The following CTNNA3 variants were observed in gnomAD, a reference collection of about 807,000 sequenced individuals.
The protein encoded by CTNNA3 is catenin alpha-3.
A neutral mutation model predicts 95.7 loss-of-function variants in CTNNA3; 76 were observed. That is an observed-to-expected ratio of 0.79 (90% CI 0.66 to 0.96). The LOEUF is 0.96. Among genes scored for constraint, CTNNA3 ranks in the 40% least tolerant of loss-of-function variants. CTNNA3 has a pLI of 0.00. For synonymous variants in CTNNA3, 431 were observed against 374.4 expected, an observed-to-expected ratio of 1.15 and a Z score of -1.74; for missense variants, 1,191 against 1,089.8, an observed-to-expected ratio of 1.09 and a Z score of -1.31.
At chr10:67,456,800 G>T (rs1429181105) in intron 5 of CTNNA3, among the ~76,000 whole-genome samples, 1 of 152,044 alleles carries the variant, frequency 6.6e-6, no homozygotes, top group African/African-American at 2.4e-5. Flanking sequence ...ATGGCTAAAT[G>T]CAGTCTAGTT....
At chr10:66,125,229 T>C (rs541307174) in intron 13 of CTNNA3, among the ~76,000 whole-genome samples, 2 of 152,296 alleles carry the variant, frequency 1.3e-5, no homozygotes, top group South Asian at 2.1e-4. Context: ...TTTTAATTGA[T>C]CTAATATGTA....
intron 13 of CTNNA3, among the ~76,000 whole-genome samples, chr10:66,107,944 T>C (rs1284990266): frequency 2.0e-5 from 3 of 152,088 alleles, no homozygotes; most frequent in African/African-American, 7.2e-5. Flanking sequence ...ATTAAAAATA[T>C]AATTCACTGG....
chr10:67,644,976 A>G (rs1839659846), intron 2 of CTNNA3, among the ~76,000 whole-genome samples: 1 of 152,132 alleles, frequency 6.6e-6, no homozygotes, highest in African/African-American at 2.4e-5. Context: ...CATTTCTGTG[A>G]CTCATCTACT....
At chr10:66,953,682 T>C (rs542811824) in intron 7 of CTNNA3, among the ~76,000 whole-genome samples, 1 of 152,298 alleles carries the variant, frequency 6.6e-6, no homozygotes, top group South Asian at 2.1e-4. Flanking sequence ...AATAATTTTA[T>C]CTTTGAAACT....
intron 2 of CTNNA3, among the ~76,000 whole-genome samples, chr10:67,644,278 T>C (rs544109522): frequency 1.3e-4 from 20 of 152,354 alleles, no homozygotes; most frequent in African/African-American, 4.8e-4. Flanking sequence ...ATTTCTCTAA[T>C]GACCAGTGAT....
At chr10:66,276,658 G>T (rs1248161566) in intron 13 of CTNNA3, among the ~76,000 whole-genome samples, 1 of 152,050 alleles carries the variant, frequency 6.6e-6, no homozygotes, top group South Asian at 2.1e-4. Flanking sequence ...TAAAAGAAGA[G>T]ATTTCTTGAT....
chr10:67,177,114 T>C (rs1166746438), intron 7 of CTNNA3: 4 of 374,584 alleles, frequency 1.1e-5, no homozygotes, highest in African/African-American at 2.1e-5. Context: ...CAGTATATAT[T>C]AGGGCAAACA....
chr10:67,030,730 A>G (rs1853665534), intron 7 of CTNNA3, among the ~76,000 whole-genome samples: 1 of 152,022 alleles, frequency 6.6e-6, no homozygotes, highest in African/African-American at 2.4e-5. Flanking sequence ...TACCGGTCAG[A>G]TGCGGTGGCT....
intron 7 of CTNNA3, among the ~76,000 whole-genome samples, chr10:66,849,271 A>G (rs1481009993): frequency 6.6e-6 from 1 of 152,204 alleles, no homozygotes; most frequent in Non-Finnish European, 1.5e-5. Context: ...AATCAGGCTG[A>G]CAAGCCATCA....
At chr10:66,309,909 A>AT (rs1315842432) in intron 12 of CTNNA3, among the ~76,000 whole-genome samples, 1 of 23,520 alleles carries the variant, frequency 4.3e-5, no homozygotes, top group Non-Finnish European at 1.0e-4. Flanking sequence ...GATACAAAAA[A>AT]TAAATAAATA....
At chr10:66,370,971 C>T (rs993429947) in intron 12 of CTNNA3, among the ~76,000 whole-genome samples, 1 of 152,132 alleles carries the variant, frequency 6.6e-6, no homozygotes, top group African/African-American at 2.4e-5. Flanking sequence ...AGTCCTCTCA[C>T]CTCAGCCTTC....
intron 7 of CTNNA3, among the ~76,000 whole-genome samples, chr10:67,089,867 A>G (rs2131905074): frequency 6.6e-6 from 1 of 152,056 alleles, no homozygotes; most frequent in South Asian, 2.1e-4. Context: ...GCCAGAGAGC[A>G]GAAATTGTGT....
intron 1 of CTNNA3, among the ~76,000 whole-genome samples, chr10:67,748,506 G>A (rs1023633109): frequency 6.6e-6 from 1 of 152,082 alleles, no homozygotes; most frequent in African/African-American, 2.4e-5. Context: ...GCCAAGCTAA[G>A]TTTCTAAGCA....
At chr10:66,530,584 T>A in intron 10 of CTNNA3, among the ~76,000 whole-genome samples, 1 of 152,184 alleles carries the variant, frequency 6.6e-6, no homozygotes, top group Non-Finnish European at 1.5e-5. Context: ...ACCATGAATC[T>A]CCATGTCAGA....
chr10:66,648,354 T>TG (rs1845779591), intron 9 of CTNNA3, among the ~76,000 whole-genome samples: 1 of 152,116 alleles, frequency 6.6e-6, no homozygotes, highest in African/African-American at 2.4e-5. Context: ...GAATGAGTGT[T>TG]TTTAAGAGGA....
At chr10:66,708,843 T>G (rs1013904567) in intron 9 of CTNNA3, among the ~76,000 whole-genome samples, 2 of 152,132 alleles carry the variant, frequency 1.3e-5, no homozygotes, top group African/African-American at 2.4e-5. Context: ...ACCACTACCA[T>G]GGAAATAGAT....
At chr10:66,934,843 C>T (rs1036075692) in intron 7 of CTNNA3, among the ~76,000 whole-genome samples, 3 of 152,090 alleles carry the variant, frequency 2.0e-5, no homozygotes, top group African/African-American at 7.2e-5. Flanking sequence ...ACATCAATTA[C>T]ATCTATGCAG....
At position 66,317,937 on chromosome 10, in the gene CTNNA3, C is replaced by G. The variant is rs75559440; in HGVS notation, c.1733-37316G>C. On this transcript the variant is annotated intron_variant, in intron 12 of 17. Transcript: ENST00000433211. ...GGATTCTCCTTTTATTTTATAGAGTCGGATATTTATTAAATAAGTGCATGC... is the reference window on the plus strand; with the variant it reads ...GGATTCTCCTTTTATTTTATAGAGTGGGATATTTATTAAATAAGTGCATGC... Among the ~76,000 whole-genome samples, 89 of 151,808 alleles carry G rather than the reference C, an allele frequency of 5.9e-4. 3 individuals are homozygous for G. The highest frequency in any genetic ancestry group is 1.1e-3 in the Non-Finnish European group (77 of 67,924).
chr10:66,903,529 A>G (rs576917215), intron 7 of CTNNA3, among the ~76,000 whole-genome samples: 61 of 152,220 alleles, frequency 4.0e-4, no homozygotes, highest in African/African-American at 1.1e-3. Flanking sequence ...TCTGGCCAGG[A>G]CAATTAGGCA....
Sources: gnomAD v4.1 joint callset for allele counts (sites outside exome capture counted in the v4.1 genomes callset) on GRCh38, gnomAD v4.1.1 for gene constraint, MANE v1.5 for transcripts, NCBI Gene and HGNC (gene_info 2026-07-23, HGNC 2026-07-21) for gene names.